The following CDKAL1 variants were observed in gnomAD, a reference collection of about 807,000 sequenced individuals.
The protein encoded by CDKAL1 is CDKAL1 threonylcarbamoyladenosine tRNA methylthiotransferase, also known as threonylcarbamoyladenosine tRNA methylthiotransferase.
In CDKAL1, 32 loss-of-function variants were observed where a neutral mutation model predicts 68.2. That is an observed-to-expected ratio of 0.47 (90% confidence interval 0.35 to 0.63). CDKAL1 has a LOEUF of 0.63. Ranked by LOEUF, CDKAL1 falls within the 30% of genes least tolerant of loss-of-function variation. CDKAL1 has a pLI of 0.00. For missense variants in CDKAL1, 606 were observed against 696.7 expected (o/e 0.87, Z 1.47); for synonymous variants, 234 against 244.3 (o/e 0.96, Z 0.39).
At chr6:20,886,037 C>T (rs964211556) in intron 9 of CDKAL1, among the ~76,000 whole-genome samples, 16 of 152,054 alleles carry the variant, frequency 1.1e-4, no homozygotes, top group Admixed American at 3.3e-4. Context: ...ACGCCATCCC[C>T]GTCCCCCACA....
At chr6:21,044,568 CATT>C (rs1162832226) in intron 11 of CDKAL1, among the ~76,000 whole-genome samples, 4 of 152,098 alleles carry the variant, frequency 2.6e-5, no homozygotes, top group African/African-American at 9.7e-5. Context: ...TTAATAATGA[CATT>C]ATTGTTAATT....
intron 13 of CDKAL1, among the ~76,000 whole-genome samples, chr6:21,166,932 C>A (rs927393510): frequency 2.6e-5 from 4 of 152,132 alleles, no homozygotes; most frequent in African/African-American, 9.7e-5. Flanking sequence ...GACAGAACAC[C>A]CAGACTGACA....
intron 11 of CDKAL1, among the ~76,000 whole-genome samples, chr6:21,025,527 G>A (rs201307): frequency 0.11 from 16,096 of 152,068 alleles, 952 homozygotes; most frequent in Middle Eastern, 0.16. Context: ...TTCTCTTTCT[G>A]TTTGGAGGCA....
At chr6:20,911,041 C>T (rs1771701364) in intron 9 of CDKAL1, among the ~76,000 whole-genome samples, 1 of 152,246 alleles carries the variant, frequency 6.6e-6, no homozygotes, top group Non-Finnish European at 1.5e-5. Context: ...TAAAGCCACC[C>T]TGTTCGTAGT....
chr6:21,066,178 T>C (rs559405734), intron 12 of CDKAL1, among the ~76,000 whole-genome samples: 2 of 152,238 alleles, frequency 1.3e-5, no homozygotes, highest in South Asian at 4.2e-4. Context: ...GAAAAATAGA[T>C]GTATATTAGT....
chr6:20,844,637 C>A (rs1182117494), intron 8 of CDKAL1, among the ~76,000 whole-genome samples: 1 of 151,394 alleles, frequency 6.6e-6, no homozygotes, highest in South Asian at 2.1e-4. Context: ...GTCGCTTGAG[C>A]CCAGGAGTTT....
intron 9 of CDKAL1, among the ~76,000 whole-genome samples, chr6:20,909,185 ATGTGTGTGTG>A (rs57042223): frequency 1.3e-4 from 16 of 119,206 alleles, no homozygotes; most frequent in South Asian, 8.2e-4. Context: ...GTGTGCATGT[ATGTGTGTGTG>A]TGTGTGTGTG....
chr6:20,608,426 G>A (rs573553792), intron 4 of CDKAL1, among the ~76,000 whole-genome samples: 37 of 152,196 alleles, frequency 2.4e-4, no homozygotes, highest in South Asian at 1.7e-3. Context: ...CTGCATTGTA[G>A]TATGTTCTCC....
chr6:20,689,261 C>G (rs1427893895), intron 5 of CDKAL1, among the ~76,000 whole-genome samples: 2 of 152,154 alleles, frequency 1.3e-5, no homozygotes, highest in African/African-American at 4.8e-5. Flanking sequence ...GTATGGGGCC[C>G]CAGTGACTGA....
intron 4 of CDKAL1, chr6:20,558,684 A>T (rs765127872): frequency 5.2e-5 from 23 of 439,632 alleles, no homozygotes; most frequent in Non-Finnish European, 8.3e-5. Flanking sequence ...AGGAAAATAG[A>T]TTGGCAGTGG....
At chr6:20,822,546 A>G (rs1777329176) in intron 8 of CDKAL1, among the ~76,000 whole-genome samples, 1 of 150,982 alleles carries the variant, frequency 6.6e-6, no homozygotes. Flanking sequence ...GCTCAGCGAT[A>G]GGGTTAGGCT....
intron 5 of CDKAL1, among the ~76,000 whole-genome samples, chr6:20,714,423 C>T (rs1311593023): frequency 8.6e-6 from 1 of 115,938 alleles, no homozygotes; most frequent in Non-Finnish European, 1.7e-5. Flanking sequence ...GAATCTCACT[C>T]TGTCACCCAG....
chr6:21,051,587 C>T (rs534857786), intron 11 of CDKAL1, among the ~76,000 whole-genome samples: 2 of 152,224 alleles, frequency 1.3e-5, no homozygotes, highest in East Asian at 1.9e-4. Flanking sequence ...ATGGCATTTT[C>T]CCCCTTTCTC....
chr6:20,641,408 A>G (rs1768167898), intron 4 of CDKAL1, among the ~76,000 whole-genome samples: 1 of 152,150 alleles, frequency 6.6e-6, no homozygotes. Context: ...TTATAAAAGT[A>G]GTATCCATGC....
chr6:20,589,607 C>T (rs557043420), intron 4 of CDKAL1, among the ~76,000 whole-genome samples: 2 of 152,332 alleles, frequency 1.3e-5, no homozygotes, highest in East Asian at 3.9e-4. Context: ...ACGTGCCTTT[C>T]AGCTCTTTAG....
intron 9 of CDKAL1, among the ~76,000 whole-genome samples, chr6:20,850,103 CTCTT>C (rs1322238269): frequency 6.6e-6 from 1 of 152,110 alleles, no homozygotes; most frequent in Non-Finnish European, 1.5e-5. Flanking sequence ...GGACCAGAAA[CTCTT>C]AAGTTCTGCA....
chr6:21,036,330 T>G (rs1769596080), intron 11 of CDKAL1, among the ~76,000 whole-genome samples: 3 of 152,260 alleles, frequency 2.0e-5, no homozygotes, highest in Admixed American at 6.5e-5. Context: ...GTCTTCCTAC[T>G]GAGGAAAAAT....
At chr6:21,157,461 C>T (rs1342493845) in intron 13 of CDKAL1, among the ~76,000 whole-genome samples, 1 of 152,068 alleles carries the variant, frequency 6.6e-6, no homozygotes, top group Non-Finnish European at 1.5e-5. Flanking sequence ...GAAAGATTGT[C>T]TTTTCTCATT....
intron 11 of CDKAL1, among the ~76,000 whole-genome samples, chr6:21,035,723 A>T (rs888315177): frequency 3.2e-4 from 48 of 152,274 alleles, no homozygotes; most frequent in African/African-American, 1.2e-3. Context: ...TCAGTTGTCT[A>T]TATTGATTTG....
Sources: gnomAD v4.1 joint callset for allele counts (sites outside exome capture counted in the v4.1 genomes callset) on GRCh38, gnomAD v4.1.1 for gene constraint, MANE v1.5 for transcripts, NCBI Gene and HGNC (gene_info 2026-07-23, HGNC 2026-07-21) for gene names.